GABRG3: variants seen among roughly 807,000 people sequenced by gnomAD.
The protein encoded by GABRG3 is gamma-aminobutyric acid receptor subunit gamma-3.
Under a neutral mutation model 48.8 loss-of-function variants are expected in GABRG3, and 25 were observed. The observed-to-expected ratio is 0.51, with a 90% CI of 0.37 to 0.72. The LOEUF is 0.72. Ranked by LOEUF, GABRG3 falls within the 30% of genes least tolerant of loss-of-function variation. The pLI is 0.00. For missense variants in GABRG3, 394 were observed against 577.9 expected (o/e 0.68, Z 3.26); for synonymous variants, 227 against 217.6 (o/e 1.04, Z -0.38).
intron 5 of GABRG3, among the ~76,000 whole-genome samples, chr15:27,346,123 A>C (rs1894365122): frequency 7.1e-6 from 1 of 141,500 alleles, no homozygotes. Flanking sequence ...GGAAAGAAAG[A>C]GAAAGAAAGA....
chr15:27,135,778 G>A (rs568312463), intron 3 of GABRG3, among the ~76,000 whole-genome samples: 13 of 152,176 alleles, frequency 8.5e-5, no homozygotes, highest in East Asian at 1.9e-4. Context: ...GGTGGTGTGC[G>A]CCTATAATCC....
At chr15:27,273,104 T>A (rs562116029) in intron 3 of GABRG3, among the ~76,000 whole-genome samples, 22 of 151,340 alleles carry the variant, frequency 1.5e-4, no homozygotes, top group African/African-American at 4.4e-4. Context: ...TCTACAATGA[T>A]AAAAAAAAAT....
chr15:27,413,279 T>C lies in GABRG3; in HGVS notation c.575-67371T>C, dbSNP rs998534682. 6.6e-5 allele frequency among the ~76,000 whole-genome samples: 10 copies of C among 152,296 alleles called. No individual in the cohort carries two copies. The East Asian group carries it at 1.9e-3, about 29-fold the overall frequency. Reference sequence around the variant, plus strand: ...ACAACAAGTCTACCATATCATTTTATTTTAAGACTACACATCTCAAATTTG... The same window carrying C: ...ACAACAAGTCTACCATATCATTTTACTTTAAGACTACACATCTCAAATTTG... On this transcript the variant is annotated intron_variant, in intron 5 of 9. Transcript: ENST00000615808.
At chr15:27,175,017 C>A (rs534688994) in intron 3 of GABRG3, among the ~76,000 whole-genome samples, 1 of 152,154 alleles carries the variant, frequency 6.6e-6, no homozygotes, top group Non-Finnish European at 1.5e-5. Flanking sequence ...TGTTTAAAAC[C>A]AATCAGGACC....
chr15:27,066,897 A>G (rs17648060), intron 3 of GABRG3, among the ~76,000 whole-genome samples: 2,718 of 152,314 alleles, frequency 0.018, 36 homozygotes, highest in Middle Eastern at 0.058. Flanking sequence ...ATGCTGAGAA[A>G]TAGAATGTCA....
chr15:27,405,947 G>T (rs1310713785), intron 5 of GABRG3, among the ~76,000 whole-genome samples: 3 of 151,996 alleles, frequency 2.0e-5, no homozygotes, highest in African/African-American at 7.3e-5. Context: ...ACAAAGATGG[G>T]GCATGTAAAA....
intron 3 of GABRG3, among the ~76,000 whole-genome samples, chr15:27,213,947 T>A (rs1889156300): frequency 6.6e-6 from 1 of 152,242 alleles, no homozygotes; most frequent in Non-Finnish European, 1.5e-5. Flanking sequence ...GTTTCCAAAG[T>A]TTGTTACGGA....
intron 6 of GABRG3, among the ~76,000 whole-genome samples, chr15:27,519,378 T>C (rs996490410): frequency 1.3e-5 from 2 of 152,152 alleles, no homozygotes; most frequent in African/African-American, 4.8e-5. Flanking sequence ...GAGAGTGGAA[T>C]GTCAGGAAAT....
At chr15:27,112,786 A>G (rs563663410) in intron 3 of GABRG3, among the ~76,000 whole-genome samples, 1 of 152,152 alleles carries the variant, frequency 6.6e-6, no homozygotes, top group East Asian at 1.9e-4. Flanking sequence ...TTTTATGTCC[A>G]TTGTGTGGAC....
intron 2 of GABRG3, 81 bp downstream of exon 2, chr15:26,977,231 C>T: frequency 7.1e-7 from 1 of 1,406,284 alleles, no homozygotes; most frequent in Non-Finnish European, 9.8e-7. Flanking sequence ...ATTGTGAATT[C>T]CAAGAGTATT....
At chr15:27,518,813 A>G (rs1011444687) in intron 6 of GABRG3, among the ~76,000 whole-genome samples, 3 of 152,208 alleles carry the variant, frequency 2.0e-5, no homozygotes, top group African/African-American at 4.8e-5. Flanking sequence ...AGGGCAGCTA[A>G]TAAGGAGAAG....
chr15:27,529,656 G>A (rs760247061), intron 9 of GABRG3, among the ~76,000 whole-genome samples: 1 of 152,056 alleles, frequency 6.6e-6, no homozygotes, highest in African/African-American at 2.4e-5. Context: ...TTACAGCTGC[G>A]GGGAGCTACA....
chr15:27,384,457 T>A (rs1329041246), intron 5 of GABRG3, among the ~76,000 whole-genome samples: 2 of 152,138 alleles, frequency 1.3e-5, no homozygotes, highest in Non-Finnish European at 2.9e-5. Flanking sequence ...TTTTGAAAAC[T>A]ACTAAGAACA....
chr15:27,431,431 A>G (rs1219258685), intron 5 of GABRG3, among the ~76,000 whole-genome samples: 12 of 152,240 alleles, frequency 7.9e-5, no homozygotes, highest in Admixed American at 7.9e-4. Flanking sequence ...TTGTGGATTC[A>G]TTAGGAATTT....
chr15:27,004,290 C>T (rs1474601442), intron 2 of GABRG3, among the ~76,000 whole-genome samples: 14 of 151,182 alleles, frequency 9.3e-5, no homozygotes, highest in South Asian at 2.1e-4. Flanking sequence ...CGGGCAGAGA[C>T]GCTCCTCACA....
intron 3 of GABRG3, among the ~76,000 whole-genome samples, chr15:27,088,245 C>CGGGGCGGACGCG (rs1897118049): frequency 9.3e-6 from 1 of 107,876 alleles, no homozygotes; most frequent in Admixed American, 9.2e-5. Flanking sequence ...TGGGAGTGCT[C>CGGGGCGGACGCG]GGGGCGGGCG....
chr15:27,248,843 G>C (rs149800470), intron 3 of GABRG3, among the ~76,000 whole-genome samples: 3 of 149,138 alleles, frequency 2.0e-5, no homozygotes, highest in Non-Finnish European at 4.5e-5. Context: ...GAGACAGAGA[G>C]AAGCTGCTGT....
Position 27,180,354 on chromosome 15 carries a change from A to G in GABRG3, c.271-146455A>G, listed in dbSNP as rs891977308. Among the ~76,000 whole-genome samples, 2 of 152,192 alleles carry G rather than the reference A, an allele frequency of 1.3e-5. No homozygotes were observed. Among genetic ancestry groups the G allele is most frequent in the African/African-American group, 4.8e-5 (2 of 41,444 alleles). On this transcript the variant is annotated intron_variant, in intron 3 of 9. Transcript: ENST00000615808. This position sits in a 1 kb window ranked among gnomAD's most constrained non-coding sequence, Gnocchi z 4.2. ...AAAAATGAGATTGAACAAGAAGAGC[A>G]ACTGTAGAATTCTTCAGGTTATGAC... is the stretch of plus-strand genomic sequence containing the variant.
At chr15:27,397,192 C>T (rs768866400) in intron 5 of GABRG3, among the ~76,000 whole-genome samples, 5 of 151,514 alleles carry the variant, frequency 3.3e-5, no homozygotes, top group Non-Finnish European at 5.9e-5. Context: ...TGGAAGGGGG[C>T]GGGGGTGCAA....
Sources: allele counts gnomAD v4.1 joint callset (sites outside exome capture counted in the v4.1 genomes callset), GRCh38; gene constraint gnomAD v4.1.1; non-coding constraint Gnocchi (gnomAD v3.1); transcripts MANE v1.5; gene names NCBI Gene and HGNC (gene_info 2026-07-23, HGNC 2026-07-21).